The following ITGA2B variants were observed in gnomAD, a reference collection of about 807,000 sequenced individuals.
The protein encoded by ITGA2B is integrin alpha-IIb.
A neutral mutation model predicts 142.0 loss-of-function variants in ITGA2B; 91 were observed. The observed-to-expected ratio is 0.64, with a 90% CI of 0.54 to 0.76. The LOEUF (loss-of-function observed/expected upper bound fraction) is 0.76. Ranked by LOEUF, ITGA2B falls within the 30% of genes least tolerant of loss-of-function variation. The pLI is 0.00. For missense variants in ITGA2B, 1,231 were observed against 1,350.8 expected, an observed-to-expected ratio of 0.91 and a Z score of 1.39; for synonymous variants, 536 against 567.2, an observed-to-expected ratio of 0.94 and a Z score of 0.78.
chr17:44,388,513 C>T (rs190543465), intron 1 of ITGA2B, among the ~76,000 whole-genome samples: 2 of 150,566 alleles, frequency 1.3e-5, no homozygotes, highest in Admixed American at 6.6e-5. Flanking sequence ...TGCGGCACCA[C>T]GCCCGGCTAA....
intron 3 of ITGA2B, 51 bp from the exon 4 acceptor site, chr17:44,385,767 T>C (rs778120799): frequency 3.1e-6 from 5 of 1,612,644 alleles, no homozygotes; most frequent in Non-Finnish European, 3.4e-6. Flanking sequence ...GGGCTCCTCC[T>C]GGCCCCAGGT....
chr17:44,380,203 G>A lies in ITGA2B; in HGVS notation c.1600+43C>T, dbSNP rs756101952. On this transcript the variant is annotated intron_variant, in intron 16 of 29. Coordinates refer to ENST00000262407, the MANE Select transcript of ITGA2B (RefSeq NM_000419.5). ...GGACCTCCCTGGCCAGCCTCCGGGG[G>A]AGTCCAAGCCCACCTCCCTCCTGCC... 1.9e-6 allele frequency: 3 copies of A among 1,614,050 alleles called. No individual in the cohort carries two copies. The Admixed American group carries it at 5.0e-5, about 27-fold the overall frequency.
At chr17:44,374,235 G>A in intron 29 of ITGA2B, 119 bp downstream of exon 29, 1 of 853,844 alleles carries the variant, frequency 1.2e-6, no homozygotes, top group South Asian at 1.3e-5. Context: ...TGGAGACATA[G>A]ACCCCTGGTC....
chr17:44,383,578 G>T lies in ITGA2B; in HGVS notation c.1125C>A (p.Ser375Arg), dbSNP rs1444551854. 2 of 1,611,836 alleles carry T rather than the reference G, an allele frequency of 1.2e-6. No individual in the cohort carries two copies. The highest frequency in any genetic ancestry group is 1.7e-4 in the Middle Eastern group (1 of 5,750). Residue 375 changes from serine to arginine, a missense_variant, in exon 12 of 30, where the codon AGC (serine) becomes AGA (arginine). Coordinates refer to ENST00000262407, the MANE Select transcript of ITGA2B (RefSeq NM_000419.5). Reference protein sequence around the residue: ...PRGPHALGAPSLLLTGTQLYG... With the variant: ...PRGPHALGAPRLLLTGTQLYG... ...AGAGCTGTGTGCCAGTCAGCAGGAG[G>T]CTGGGGGCACCCAGCGCGTGGGGGC... is the stretch of plus-strand genomic sequence containing the variant.
At position 44,375,021 on chromosome 17, in the gene ITGA2B, G is replaced by A. The variant is rs1209656786; in HGVS notation, c.2818C>T (p.Leu940=). ...QRAMVTVLAF[L]WLPSLYQRPL... ...ACCTGGTAGAGGCTGGGCAGCCACAGGAAGGCCAGCACCGTGACCATGGCC... is the reference window on the plus strand; with the variant it reads ...ACCTGGTAGAGGCTGGGCAGCCACAAGAAGGCCAGCACCGTGACCATGGCC... Residue 940 remains leucine, a synonymous_variant, in exon 27 of 30, where the codon CTG becomes TTG. Transcript: ENST00000262407. The A allele has an allele frequency of 2.7e-6, 4 of 1,474,102 alleles. No individual in the cohort carries two copies. The highest frequency in any genetic ancestry group is 2.7e-6 in the Non-Finnish European group (3 of 1,106,100). The allele number at this position is 1,474,102 out of a possible 1,614,324, so 91.3% of individuals were successfully genotyped here.
At position 44,380,592 on chromosome 17, in the gene ITGA2B, G is replaced by A. The variant is rs371050454; in HGVS notation, c.1439+8C>T. Reference sequence around the variant, plus strand: ...CTTCCCCATCCCGCCCCTGGAGCCAGTGCTCACCTGTACACAGCCACCTGG... The same window carrying A: ...CTTCCCCATCCCGCCCCTGGAGCCAATGCTCACCTGTACACAGCCACCTGG... On this transcript the variant is annotated splice_region_variant and intron_variant, in intron 14 of 29. Transcript: ENST00000262407. 99 of 1,614,090 alleles carry A rather than the reference G, an allele frequency of 6.1e-5. No individual in the cohort carries two copies. The highest frequency in any genetic ancestry group is 9.3e-6 in the Non-Finnish European group (11 of 1,180,044).
chr17:44,375,500 C>G (rs1397387421), intron 26 of ITGA2B, 91 bp downstream of exon 26: 2 of 1,518,060 alleles, frequency 1.3e-6, no homozygotes, highest in Non-Finnish European at 1.8e-6. Context: ...CACAGAGGCC[C>G]ACAGCACACC....
Position 44,377,796 on chromosome 17 carries a change from G to T in ITGA2B, c.2095-6C>A. ...CAGATGAGTCTCTCAAAGCCCTTCA[G>T]GAAGGCAGTTCCAAGAAAGAAATTA... On this transcript the variant is annotated splice_polypyrimidine_tract_variant and splice_region_variant and intron_variant, in intron 20 of 29. Coordinates refer to ENST00000262407, the MANE Select transcript of ITGA2B (RefSeq NM_000419.5). The T allele has an allele frequency of 6.3e-7, 1 of 1,599,190 alleles. No homozygotes were observed.
In ITGA2B at chr17:44,389,479, T is replaced by G; in HGVS notation, c.-6A>C. On this transcript the variant is annotated 5_prime_UTR_variant, in exon 1 of 30. Coordinates refer to ENST00000262407, the MANE Select transcript of ITGA2B (RefSeq NM_000419.5). ...GGACACAAAGCTCTGGCCATCTTCCTTCTTCCACAACCTCCCAGGCAGGAA... is the reference window on the plus strand; with the variant it reads ...GGACACAAAGCTCTGGCCATCTTCCGTCTTCCACAACCTCCCAGGCAGGAA... 1 of 1,612,990 alleles carries G rather than the reference T, an allele frequency of 6.2e-7. No individual in the cohort carries two copies. Among genetic ancestry groups the G allele is most frequent in the Non-Finnish European group, 8.5e-7 (1 of 1,179,912 alleles).
At chr17:44,385,440 C>T in intron 4 of ITGA2B, 105 bp from the exon 5 acceptor site, 1 of 1,514,596 alleles carries the variant, frequency 6.6e-7, no homozygotes, top group Non-Finnish European at 8.8e-7. Context: ...CGGCGGGGCC[C>T]TGGGGCGAGG....
intron 1 of ITGA2B, among the ~76,000 whole-genome samples, chr17:44,387,923 C>G (rs557120870): frequency 6.6e-6 from 1 of 152,056 alleles, no homozygotes; most frequent in East Asian, 1.9e-4. Flanking sequence ...ATGCCTCCCC[C>G]ACACCTGCCT....
At chr17:44,372,886 G>A (rs1598374789) in intron 29 of ITGA2B, among the ~76,000 whole-genome samples, 1 of 152,220 alleles carries the variant, frequency 6.6e-6, no homozygotes, top group East Asian at 1.9e-4. Flanking sequence ...CTCCCATTGT[G>A]TTGGGATTAC....
Position 44,374,691 on chromosome 17 carries a change from G to T in ITGA2B, c.2911C>A (p.Pro971Thr), listed in dbSNP as rs2854737. ...TCCCCTCGGGGCAGGCTGAGCGGGG[G>T]CACCGCATAGGGGAGGGAGGACACG... ...FNVSSLPYAV[P>T]PLSLPRGEAQ... The change falls in exon 28 of 30, where the codon CCC (proline) becomes ACC (threonine). Residue 971 changes from proline to threonine, a missense_variant. Pro to Thr is a conservative substitution (Grantham distance 38). Coordinates refer to ENST00000262407, the MANE Select transcript of ITGA2B (RefSeq NM_000419.5). 17 of 1,613,908 alleles carry T rather than the reference G, an allele frequency of 1.1e-5. No individual in the cohort carries two copies. The highest frequency in any genetic ancestry group is 1.4e-5 in the Non-Finnish European group (17 of 1,179,982).
intron 11 of ITGA2B, 35 bp from the exon 12 acceptor site, chr17:44,383,739 C>T (rs1254709331): frequency 6.4e-7 from 1 of 1,556,026 alleles, no homozygotes; most frequent in South Asian, 1.2e-5. Flanking sequence ...TGGGACTGGA[C>T]CAGGGGTATA....
intron 21 of ITGA2B, among the ~76,000 whole-genome samples, chr17:44,377,319 C>T (rs1431601440): frequency 6.6e-6 from 1 of 152,084 alleles, no homozygotes; most frequent in African/African-American, 2.4e-5. Flanking sequence ...CCTCAACCTC[C>T]CGAGTAGCTC....
At chr17:44,374,838 G>A in intron 27 of ITGA2B, 78 bp from the exon 28 acceptor site, 2 of 1,384,970 alleles carry the variant, frequency 1.4e-6, no homozygotes, top group Non-Finnish European at 2.0e-6. Context: ...CCACACCCCC[G>A]GCGGGGAAGC....
chr17:44,375,718 T>TG lies in ITGA2B; in HGVS notation c.2602-3dup, dbSNP rs760444863. The TG allele has an allele frequency of 3.7e-5, 59 of 1,575,212 alleles. No individual in the cohort carries two copies. The highest frequency in any genetic ancestry group is 2.9e-5 in the Non-Finnish European group (34 of 1,160,462). Reference sequence around the variant, plus strand: ...GGGGATGGGCAGCCCCCAGTCCACCTGGGGGGGCAAAGGAGTGGTCAGGCC... The same window carrying TG: ...GGGGATGGGCAGCCCCCAGTCCACCTGGGGGGGGCAAAGGAGTGGTCAGGCC... On this transcript the variant is annotated splice_polypyrimidine_tract_variant and splice_region_variant and intron_variant, in intron 25 of 29. Transcript: ENST00000262407.
At position 44,377,807 on chromosome 17, in the gene ITGA2B, C is replaced by G; in HGVS notation, c.2095-17G>C. The G allele has an allele frequency of 2.6e-6, 4 of 1,554,154 alleles. No homozygotes were observed. Among genetic ancestry groups the G allele is most frequent in the Non-Finnish European group, 3.5e-6 (4 of 1,133,262 alleles). On this transcript the variant is annotated splice_polypyrimidine_tract_variant and intron_variant, in intron 20 of 29. Coordinates refer to ENST00000262407, the MANE Select transcript of ITGA2B (RefSeq NM_000419.5). ...CTCAAAGCCCTTCAGGAAGGCAGTT[C>G]CAAGAAAGAAATTACAGAGCATCAT...
In ITGA2B at chr17:44,385,194, G is replaced by A. The variant is rs369874789; in HGVS notation, c.640C>T (p.Leu214Phe). 5 of 1,613,974 alleles carry A rather than the reference G, an allele frequency of 3.1e-6. No homozygotes were observed. The African/African-American group carries it at 6.7e-5, about 22-fold the overall frequency. The change falls in exon 6 of 30, where the codon CTT becomes TTT. Residue 214 changes from leucine to phenylalanine, a missense_variant. This residue lies in a region of ITGA2B where 318 missense variants were observed against 312.2 expected (regional missense o/e 1.02). Transcript: ENST00000262407. Reference protein sequence around the residue: ...SVVTQAGELVLGAPGGYYFLG... With the variant: ...SVVTQAGELVFGAPGGYYFLG... ...AAATAATAGCCGCCAGGAGCCCCAA[G>A]CACCAGCTCTCCGGCCTGGAAGGGA...
Sources: gnomAD v4.1 joint callset for allele counts (sites outside exome capture counted in the v4.1 genomes callset) on GRCh38, gnomAD v4.1.1 for gene constraint, gnomAD v4.1.1 regional missense constraint, MANE v1.5 for transcripts, NCBI Gene and HGNC (gene_info 2026-07-23, HGNC 2026-07-21) for gene names.